SIRPG: variants seen among roughly 807,000 people sequenced by gnomAD.
SIRPG encodes the protein signal regulatory protein gamma.
In SIRPG, 38 loss-of-function variants were observed where a neutral mutation model predicts 35.7. The ratio of observed to expected loss-of-function variants is 1.06; its 90% CI spans 0.82 to 1.40. SIRPG has a LOEUF of 1.40. Ranked by LOEUF, SIRPG falls within the 40% of genes most tolerant of loss-of-function variation. The pLI is 0.00. For missense variants in SIRPG, 519 were observed against 483.0 expected (o/e 1.07, Z -0.70); for synonymous variants, 215 against 190.4 (o/e 1.13, Z -1.06).
At chr20:1,636,044 C>CA in intron 3 of SIRPG, 144 bp downstream of exon 3, 13 of 1,184,540 alleles carry the variant, frequency 1.1e-5, no homozygotes, top group Non-Finnish European at 1.5e-5. Flanking sequence ...AGTAAGTGAC[C>CA]AGCACACCTA....
chr20:1,675,683 C>G, the SIRPG span, among the ~76,000 whole-genome samples: 1 of 152,160 alleles, frequency 6.6e-6, no homozygotes, highest in African/African-American at 2.4e-5. Context: ...CAAGAATACT[C>G]TTGTCTCTAA....
rs2091793753 is a variant in SIRPG at position 1,635,746 on chromosome 20, T to G, written c.749-147A>C. On this transcript the variant is annotated intron_variant, in intron 3 of 5. Transcript: ENST00000303415. ...AGATGCTAAGACATTGAGGGCGCTC[T>G]TTGCATATGAATGAAATTACCAAGC... is the stretch of plus-strand genomic sequence containing the variant. 4 of 850,564 alleles carry G rather than the reference T, an allele frequency of 4.7e-6. No individual in the cohort carries two copies. In the South Asian group the frequency reaches 7.1e-5, roughly 15 times the overall value. 52.7% of individuals were successfully genotyped at this position (850,564 alleles called of 1,614,324 possible).
chr20:1,651,901 TG>T (rs2091942431), intron 1 of SIRPG, among the ~76,000 whole-genome samples: 1 of 152,212 alleles, frequency 6.6e-6, no homozygotes, highest in African/African-American at 2.4e-5. Flanking sequence ...AGAAGACTCA[TG>T]TGATACTTAT....
intron 1 of SIRPG, among the ~76,000 whole-genome samples, chr20:1,657,056 A>G (rs1055332088): frequency 6.6e-6 from 1 of 152,172 alleles, no homozygotes; most frequent in Non-Finnish European, 1.5e-5. Flanking sequence ...TTCTCATAAG[A>G]GAAAATGAGA....
At chr20:1,685,353 CT>C in the SIRPG span, among the ~76,000 whole-genome samples, 1 of 152,072 alleles carries the variant, frequency 6.6e-6, no homozygotes, top group Non-Finnish European at 1.5e-5. Context: ...CTTTAAGAAG[CT>C]ATTTAGTTAC....
chr20:1,656,848 T>C (rs1307061020), intron 1 of SIRPG, among the ~76,000 whole-genome samples: 1 of 152,150 alleles, frequency 6.6e-6, no homozygotes, highest in Non-Finnish European at 1.5e-5. Context: ...GGAGACAAGG[T>C]CTTTAACCCA....
At chr20:1,679,539 C>T in the SIRPG span, among the ~76,000 whole-genome samples, 2 of 152,082 alleles carry the variant, frequency 1.3e-5, no homozygotes, top group Non-Finnish European at 2.9e-5. Context: ...TCCCCATCTG[C>T]TTGGTTGAGC....
upstream of SIRPG, among the ~76,000 whole-genome samples, chr20:1,658,992 A>G (rs1326133722): frequency 6.6e-6 from 1 of 152,150 alleles, no homozygotes; most frequent in Non-Finnish European, 1.5e-5. Flanking sequence ...AAAAGACACT[A>G]CTTCTCTGAG....
At chr20:1,665,301 G>C in the SIRPG span, 1 of 167,206 alleles carries the variant, frequency 6.0e-6, no homozygotes, top group Non-Finnish European at 1.3e-5. Context: ...CTGCTTCAGT[G>C]GATGTTAGAT....
At chr20:1,637,331 A>T (rs2091811718) in intron 2 of SIRPG, 1 of 209,458 alleles carries the variant, frequency 4.8e-6, no homozygotes, top group African/African-American at 2.4e-5. Context: ...AGACCTGGAT[A>T]ACAATGGACT....
the SIRPG span, among the ~76,000 whole-genome samples, chr20:1,674,271 C>A: frequency 4.1e-4 from 63 of 152,026 alleles, 1 homozygote; most frequent in East Asian, 6.4e-3. Flanking sequence ...AGATCGAAAG[C>A]CACCAGACCC....
At chr20:1,638,942 A>G (rs2091827519) in intron 2 of SIRPG, among the ~76,000 whole-genome samples, 1 of 152,286 alleles carries the variant, frequency 6.6e-6, no homozygotes. Context: ...CCCGCAAAGG[A>G]CATGAACTCA....
At chr20:1,653,826 T>C (rs2091957757) in intron 1 of SIRPG, among the ~76,000 whole-genome samples, 1 of 152,194 alleles carries the variant, frequency 6.6e-6, no homozygotes, top group African/African-American at 2.4e-5. Context: ...AGAAAGTCTT[T>C]AAAATTCTGT....
rs79366176 is a variant in SIRPG at position 1,635,125 on chromosome 20, G to C, written c.1081+142C>G. ...AAATTCTTACTAGTCATGACTCTTC[G>C]CATGTGGGATTTGGGGGGATGGAGC... On this transcript the variant is annotated intron_variant, in intron 4 of 5. Coordinates refer to ENST00000303415, the MANE Select transcript of SIRPG (RefSeq NM_018556.4). 1.9e-5 allele frequency: 12 copies of C among 629,346 alleles called. No individual in the cohort carries two copies. In the South Asian group the frequency reaches 2.1e-4, roughly 11 times the overall value. 39.0% of individuals were successfully genotyped at this position (629,346 alleles called of 1,614,324 possible).
chr20:1,683,099 A>T, the SIRPG span, among the ~76,000 whole-genome samples: 1 of 152,252 alleles, frequency 6.6e-6, no homozygotes, highest in East Asian at 1.9e-4. Flanking sequence ...ACCTGAATAG[A>T]CATTTCTCAA....
the SIRPG span, among the ~76,000 whole-genome samples, chr20:1,679,657 A>C: frequency 3.9e-5 from 6 of 152,176 alleles, no homozygotes; most frequent in Non-Finnish European, 8.8e-5. Flanking sequence ...GTCTCTCCAA[A>C]TGAAATTTTC....
the SIRPG span, among the ~76,000 whole-genome samples, chr20:1,673,157 G>A: frequency 5.3e-5 from 8 of 152,268 alleles, no homozygotes; most frequent in South Asian, 1.7e-3. Context: ...GACATTTTGA[G>A]GGCACAGTAA....
At chr20:1,639,234 C>T (rs1370559471) in intron 2 of SIRPG, among the ~76,000 whole-genome samples, 2 of 152,124 alleles carry the variant, frequency 1.3e-5, no homozygotes, top group Non-Finnish European at 2.9e-5. Context: ...TACATTCCCA[C>T]CAAGAATGTA....
chr20:1,652,962 G>A (rs1047345299), intron 1 of SIRPG, among the ~76,000 whole-genome samples: 2 of 152,088 alleles, frequency 1.3e-5, no homozygotes, highest in Non-Finnish European at 2.9e-5. Flanking sequence ...CATTTCCCTC[G>A]AAGACTGAAA....
Sources: allele counts gnomAD v4.1 joint callset (sites outside exome capture counted in the v4.1 genomes callset), GRCh38; gene constraint gnomAD v4.1.1; transcripts MANE v1.5; gene names NCBI Gene and HGNC (gene_info 2026-07-23, HGNC 2026-07-21).